DMXL2: variants seen among roughly 807,000 people sequenced by gnomAD.
DMXL2 encodes dmX-like protein 2.
In DMXL2, 103 loss-of-function variants were observed where a neutral mutation model predicts 331.1. The observed-to-expected ratio is 0.31, with a 90% CI of 0.27 to 0.37. DMXL2 has a LOEUF of 0.37. DMXL2 is among the 10% of genes least tolerant of loss of function. The pLI, the probability that DMXL2 is intolerant of heterozygous loss-of-function variation, is 1.00. For missense variants in DMXL2, 3,171 were observed against 3,642.9 expected, an observed-to-expected ratio of 0.87 and a Z score of 3.33; for synonymous variants, 1,281 against 1,252.1, an observed-to-expected ratio of 1.02 and a Z score of -0.49.
intron 15 of DMXL2, among the ~76,000 whole-genome samples, chr15:51,507,464 T>C (rs778643518): frequency 6.6e-6 from 1 of 152,108 alleles, no homozygotes; most frequent in Non-Finnish European, 1.5e-5. Flanking sequence ...ACACAAAAGC[T>C]AACATGAAAG....
chr15:51,512,612 C>T (rs1896362905), intron 15 of DMXL2, among the ~76,000 whole-genome samples: 7 of 152,096 alleles, frequency 4.6e-5, no homozygotes, highest in Admixed American at 4.6e-4. Flanking sequence ...GAGTTCAAGA[C>T]CAACCTGGCC....
rs140424019 is a variant in DMXL2 at position 51,485,060 on chromosome 15, G to A, written c.5482+1013C>T. ...AAAAAAAAAAAAAAAAAGGAAGAAG[G>A]AGGAACAGAAAAAAAAGAATGAAGA... On this transcript the variant is annotated intron_variant, in intron 23 of 43. Transcript: ENST00000560891. Among the ~76,000 whole-genome samples the A allele has an allele frequency of 9.0e-3, 1,327 of 147,440 alleles. 19 individuals are homozygous for A. The highest frequency in any genetic ancestry group is 0.032 in the African/African-American group (1,273 of 40,324).
At chr15:51,570,243 A>G (rs570755837) in intron 2 of DMXL2, among the ~76,000 whole-genome samples, 2 of 114,958 alleles carry the variant, frequency 1.7e-5, no homozygotes, top group African/African-American at 5.9e-5. Context: ...AAGATTAGAG[A>G]AAAAAGAGTG....
intron 1 of DMXL2, among the ~76,000 whole-genome samples, chr15:51,583,104 T>C (rs2051560923): frequency 1.7e-5 from 1 of 58,564 alleles, no homozygotes; most frequent in African/African-American, 5.0e-5. Flanking sequence ...TACTTCATTC[T>C]TCTTTTTTTT....
At chr15:51,566,988 C>T (rs1275563292) in intron 3 of DMXL2, 1 of 151,120 alleles carries the variant, frequency 6.6e-6, no homozygotes, top group Non-Finnish European at 1.5e-5. Flanking sequence ...GCTTTTTAAA[C>T]TCCTAACTTC....
chr15:51,593,155 G>A (rs1362686575), intron 1 of DMXL2, among the ~76,000 whole-genome samples: 1 of 152,158 alleles, frequency 6.6e-6, no homozygotes, highest in South Asian at 2.1e-4. Context: ...TCAGTGTGCT[G>A]TATTCAGGAA....
intron 1 of DMXL2, among the ~76,000 whole-genome samples, chr15:51,620,207 G>A (rs2054540398): frequency 6.6e-6 from 1 of 152,026 alleles, no homozygotes; most frequent in South Asian, 2.1e-4. Context: ...TTTTCACAAA[G>A]CCCAAGAGAT....
chr15:51,459,205 T>G, intron 34 of DMXL2: 1 of 192,952 alleles, frequency 5.2e-6, no homozygotes, highest in Non-Finnish European at 1.1e-5. Flanking sequence ...CCCTTTGAAG[T>G]AAGGGTGGTG....
chr15:51,511,717 T>G (rs1299226297), intron 15 of DMXL2, among the ~76,000 whole-genome samples: 1 of 152,168 alleles, frequency 6.6e-6, no homozygotes, highest in Non-Finnish European at 1.5e-5. Flanking sequence ...TATAAATCAT[T>G]CTACCATAAA....
At chr15:51,462,275 G>C (rs2040196588) in intron 33 of DMXL2, among the ~76,000 whole-genome samples, 1 of 152,072 alleles carries the variant, frequency 6.6e-6, no homozygotes, top group South Asian at 2.1e-4. Flanking sequence ...GACTCTCTCT[G>C]TTTTCACTTT....
intron 2 of DMXL2, among the ~76,000 whole-genome samples, chr15:51,570,403 G>A (rs959195853): frequency 6.6e-6 from 1 of 152,108 alleles, no homozygotes; most frequent in East Asian, 1.9e-4. Context: ...CCCCAACCTA[G>A]AAAGACAGGC....
In DMXL2 at chr15:51,457,317, AAAT is replaced by A; in HGVS notation, c.8337+8_8337+10del. On this transcript the variant is annotated splice_region_variant and intron_variant, in intron 37 of 43. Transcript: ENST00000560891. ...AAATCCAGAAATGATACCTATAAGT[AAAT>A]AACATACCACACTAGCTCCAGTGCT... is the stretch of plus-strand genomic sequence containing the variant. The A allele has an allele frequency of 6.2e-7, 1 of 1,611,718 alleles. No homozygotes were observed. Among genetic ancestry groups the A allele is most frequent in the Non-Finnish European group, 8.5e-7 (1 of 1,179,228 alleles).
intron 20 of DMXL2, among the ~76,000 whole-genome samples, 187 bp downstream of exon 20, chr15:51,491,391 A>G (rs150354708): frequency 0.012 from 1,761 of 152,222 alleles, 26 homozygotes; most frequent in East Asian, 0.026. Context: ...CAGTGAGCCA[A>G]GATCACACCA....
At chr15:51,500,557 TATTA>T (rs2043515751) in intron 17 of DMXL2, among the ~76,000 whole-genome samples, 1 of 152,232 alleles carries the variant, frequency 6.6e-6, no homozygotes, top group South Asian at 2.1e-4. Flanking sequence ...AATGTGTTTC[TATTA>T]TTTATATTTA....
chr15:51,563,455 A>T lies in DMXL2; in HGVS notation c.501-8T>A. On this transcript the variant is annotated splice_region_variant and splice_polypyrimidine_tract_variant and intron_variant, in intron 5 of 43. Transcript: ENST00000560891. Reference sequence around the variant, plus strand: ...TGTACAGATACTGAGGTTCTAAAAAAGAGAGAGTTAGGCAATTAGCCCTTT... The same window carrying T: ...TGTACAGATACTGAGGTTCTAAAAATGAGAGAGTTAGGCAATTAGCCCTTT... 6.3e-7 allele frequency: 1 copy of T among 1,597,146 alleles called. No homozygotes were observed. Among genetic ancestry groups the T allele is most frequent in the African/African-American group, 1.4e-5 (1 of 73,988 alleles).
intron 25 of DMXL2, 88 bp from the exon 26 acceptor site, chr15:51,478,435 C>G (rs1166252607): frequency 4.5e-6 from 5 of 1,107,788 alleles, no homozygotes; most frequent in African/African-American, 1.6e-5. Flanking sequence ...TCCAGGAAAC[C>G]TAGCAACATC....
intron 6 of DMXL2, among the ~76,000 whole-genome samples, chr15:51,554,562 C>T (rs115696430): frequency 0.016 from 2,380 of 152,244 alleles, 62 homozygotes; most frequent in African/African-American, 0.055. Flanking sequence ...AAATTCTTCA[C>T]GTGTCTCTAC....
intron 7 of DMXL2, among the ~76,000 whole-genome samples, 197 bp from the exon 8 acceptor site, chr15:51,545,963 AC>A (rs1464371279): frequency 1.3e-5 from 2 of 152,200 alleles, no homozygotes; most frequent in African/African-American, 2.4e-5. Context: ...GAAAAAAGAA[AC>A]AGAAATTACT....
chr15:51,464,541 A>G, intron 32 of DMXL2, 134 bp downstream of exon 32: 1 of 635,382 alleles, frequency 1.6e-6, no homozygotes, highest in South Asian at 2.4e-5. Context: ...TATTTTTCTT[A>G]AGCGTATTCT....
Sources: allele counts gnomAD v4.1 joint callset (sites outside exome capture counted in the v4.1 genomes callset), GRCh38; gene constraint gnomAD v4.1.1; transcripts MANE v1.5; gene names NCBI Gene and HGNC (gene_info 2026-07-23, HGNC 2026-07-21).